The following ERGIC2 variants were observed in gnomAD, a reference collection of about 807,000 sequenced individuals.
ERGIC2 encodes the protein endoplasmic reticulum-Golgi intermediate compartment protein 2.
In ERGIC2, 31 loss-of-function variants were observed where a neutral mutation model predicts 52.5. The observed-to-expected ratio is 0.59, with a 90% CI of 0.44 to 0.80. The LOEUF (loss-of-function observed/expected upper bound fraction) is 0.80. Among genes scored for constraint, ERGIC2 ranks in the 30% least tolerant of loss-of-function variants. ERGIC2 has a pLI of 0.00. For missense variants in ERGIC2, 395 were observed against 455.2 expected (o/e 0.87, Z 1.20); for synonymous variants, 129 against 140.6 (o/e 0.92, Z 0.58).
At chr12:29,377,386 T>A (rs1266523380) in intron 1 of ERGIC2, among the ~76,000 whole-genome samples, 3 of 152,330 alleles carry the variant, frequency 2.0e-5, no homozygotes, top group Admixed American at 2.0e-4. Context: ...CTCAAGTCAC[T>A]GACATAAAAT....
chr12:29,346,588 T>C (rs932482570), intron 10 of ERGIC2, among the ~76,000 whole-genome samples: 5 of 152,196 alleles, frequency 3.3e-5, no homozygotes, highest in South Asian at 2.1e-4. Context: ...TCTTAAGATA[T>C]ACACTAAACC....
intron 3 of ERGIC2, among the ~76,000 whole-genome samples, chr12:29,368,718 T>G (rs566155714): frequency 4.6e-5 from 7 of 152,062 alleles, no homozygotes; most frequent in African/African-American, 1.7e-4. Context: ...TCTACAAATA[T>G]TATCTCCTTT....
intron 10 of ERGIC2, 24 bp from the exon 11 acceptor site, chr12:29,345,564 A>G: frequency 7.9e-7 from 1 of 1,259,852 alleles, no homozygotes; most frequent in Non-Finnish European, 1.2e-6. Context: ...AAAACTTTTT[A>G]TCAATTCAGT....
intron 1 of ERGIC2, among the ~76,000 whole-genome samples, chr12:29,375,845 C>T (rs550033444): frequency 7.2e-5 from 11 of 152,184 alleles, no homozygotes; most frequent in Non-Finnish European, 1.6e-4. Flanking sequence ...CTCCACCAGT[C>T]CCATTCCTGA....
chr12:29,347,477 C>T (rs1940070066), intron 10 of ERGIC2, among the ~76,000 whole-genome samples: 1 of 152,184 alleles, frequency 6.6e-6, no homozygotes, highest in Admixed American at 6.5e-5. Flanking sequence ...ATACCACAGC[C>T]TCTTCCATGC....
intron 1 of ERGIC2, among the ~76,000 whole-genome samples, chr12:29,374,413 C>T (rs890655999): frequency 3.3e-5 from 5 of 152,144 alleles, no homozygotes; most frequent in African/African-American, 1.2e-4. Context: ...CTAGGTCTCC[C>T]CCTTAACCTC....
rs1342051709 is a variant in ERGIC2, at chr12:29,340,496, TTTACC to T, written c.*655_*659del. On this transcript the variant is annotated 3_prime_UTR_variant, in exon 14 of 14. Coordinates refer to ENST00000360150, the MANE Select transcript of ERGIC2 (RefSeq NM_016570.3). ...ACCTACATATCTGCCCCTGTGAGAA[TTTACC>T]TTAGTCTTCTAAGACTCTATCTTCA... 10 of 160,978 alleles carry T rather than the reference TTTACC, an allele frequency of 6.2e-5. No homozygotes were observed. Among genetic ancestry groups the T allele is most frequent in the African/African-American group, 1.7e-4 (7 of 41,618 alleles). The allele number at this position is 160,978 out of a possible 1,614,324, so 10.0% of individuals were successfully genotyped here.
At position 29,338,293 on chromosome 12, in the gene ERGIC2, G is replaced by A. The variant is rs1949811347; in HGVS notation, c.*2863C>T. On this transcript the variant is annotated 3_prime_UTR_variant, in exon 14 of 14. Coordinates refer to ENST00000360150, the MANE Select transcript of ERGIC2 (RefSeq NM_016570.3). ...AAATTTTTAATTATAAAAATTCAATGCTATCATAAAACATACATGAGAAAA... is the reference window on the plus strand; with the variant it reads ...AAATTTTTAATTATAAAAATTCAATACTATCATAAAACATACATGAGAAAA... 1 of 151,736 alleles carries A rather than the reference G, an allele frequency of 6.6e-6. No homozygotes were observed. Among genetic ancestry groups the A allele is most frequent in the African/African-American group, 2.4e-5 (1 of 41,264 alleles). 9.4% of individuals were successfully genotyped at this position (151,736 alleles called of 1,614,324 possible). A position where few individuals can be genotyped will look rare whatever the true frequency, so the allele number is the denominator to read the frequency against.
At chr12:29,368,205 C>G in intron 4 of ERGIC2, 36 bp downstream of exon 4, 3 of 1,350,364 alleles carry the variant, frequency 2.2e-6, no homozygotes. Flanking sequence ...GAACCATAAC[C>G]TACATGTGGA....
chr12:29,366,991 A>T, intron 4 of ERGIC2, 44 bp from the exon 5 acceptor site: 1 of 1,234,974 alleles, frequency 8.1e-7, no homozygotes, highest in South Asian at 1.4e-5. Flanking sequence ...CTATGCTTGG[A>T]GGCAAACCAT....
At chr12:29,351,418 T>TTC (rs1363637622) in intron 8 of ERGIC2, among the ~76,000 whole-genome samples, 1 of 152,178 alleles carries the variant, frequency 6.6e-6, no homozygotes, top group Non-Finnish European at 1.5e-5. Flanking sequence ...TATAAAAATA[T>TTC]TCTTGCCTAT....
At chr12:29,374,877 C>T (rs1467592081) in intron 1 of ERGIC2, among the ~76,000 whole-genome samples, 1 of 152,022 alleles carries the variant, frequency 6.6e-6, no homozygotes, top group Admixed American at 6.6e-5. Flanking sequence ...AATAAATTAT[C>T]TTTTTAATAC....
chr12:29,341,714 A>G lies in ERGIC2; in HGVS notation c.1071+20T>C, dbSNP rs971001190. ...ATTCTAAGATTTAGAGATCAGCACC[A>G]TGTATACTACACCACTTACAGAATT... On this transcript the variant is annotated intron_variant, in intron 13 of 13. Coordinates refer to ENST00000360150, the MANE Select transcript of ERGIC2 (RefSeq NM_016570.3). 21 of 1,280,854 alleles carry G rather than the reference A, an allele frequency of 1.6e-5. No homozygotes were observed. Among genetic ancestry groups the G allele is most frequent in the Non-Finnish European group, 1.9e-5 (17 of 878,618 alleles). The allele number at this position is 1,280,854 out of a possible 1,614,324, so 79.3% of individuals were successfully genotyped here.
Position 29,337,409 on chromosome 12 carries a change from TG to T in ERGIC2, c.*3746del, listed in dbSNP as rs914210203. On this transcript the variant is annotated 3_prime_UTR_variant, in exon 14 of 14. Coordinates refer to ENST00000360150, the MANE Select transcript of ERGIC2 (RefSeq NM_016570.3). Reference sequence around the variant, plus strand: ...TTTATGCTTGCAATACTAAATATTTTGTTTTTTCTCTCAAGACAAAAAAAAA... The same window carrying T: ...TTTATGCTTGCAATACTAAATATTTTTTTTTTCTCTCAAGACAAAAAAAAA... 1.4e-5 allele frequency: 1 copy of T among 69,238 alleles called. No homozygotes were observed. The highest frequency in any genetic ancestry group is 1.2e-4 in the Admixed American group (1 of 8,138). 4.3% of individuals were successfully genotyped at this position (69,238 alleles called of 1,614,324 possible). A position where few individuals can be genotyped will look rare whatever the true frequency, so the allele number is the denominator to read the frequency against.
chr12:29,349,538 A>G (rs185855232), intron 9 of ERGIC2, among the ~76,000 whole-genome samples: 1 of 152,178 alleles, frequency 6.6e-6, no homozygotes, highest in East Asian at 1.9e-4. Context: ...CCATGTGGCC[A>G]TATAATAAAA....
intron 10 of ERGIC2, among the ~76,000 whole-genome samples, chr12:29,347,401 G>A (rs1042155380): frequency 6.6e-6 from 1 of 152,132 alleles, no homozygotes; most frequent in African/African-American, 2.4e-5. Context: ...TAATAAAGCT[G>A]CCTGCAATGC....
Position 29,369,165 on chromosome 12 carries a change from T to C in ERGIC2, c.216-878A>G, listed in dbSNP as rs192550692. ...AACCCAGGAGTTTAGGCTCAGGAGA[T>C]AGGAACCAGGAGTAGGCCAAGTAGA... On this transcript the variant is annotated intron_variant, in intron 3 of 13. Transcript: ENST00000360150. Among the ~76,000 whole-genome samples, 26 of 152,050 alleles carry C rather than the reference T, an allele frequency of 1.7e-4. No homozygotes were observed. In the East Asian group the frequency reaches 4.8e-3, roughly 28 times the overall value.
chr12:29,338,230 A>T lies in ERGIC2; in HGVS notation c.*2926T>A, dbSNP rs1949810931. 1 of 152,134 alleles carries T rather than the reference A, an allele frequency of 6.6e-6. No homozygotes were observed. The highest frequency in any genetic ancestry group is 6.5e-5 in the Admixed American group (1 of 15,276). 9.4% of individuals were successfully genotyped at this position (152,134 alleles called of 1,614,324 possible). A position where few individuals can be genotyped will look rare whatever the true frequency, so the allele number is the denominator to read the frequency against. On this transcript the variant is annotated 3_prime_UTR_variant, in exon 14 of 14. Transcript: ENST00000360150. ...CATTCCTTCATGAATTCCAAAATTA[A>T]GATTGTATTAAAGACTGTAAATCTT...
chr12:29,353,203 C>T (rs961730525), intron 8 of ERGIC2, among the ~76,000 whole-genome samples: 2 of 152,152 alleles, frequency 1.3e-5, no homozygotes, highest in Non-Finnish European at 1.5e-5. Flanking sequence ...CTCAATAAAG[C>T]ATTTCCTGAT....
Sources: allele counts gnomAD v4.1 joint callset (sites outside exome capture counted in the v4.1 genomes callset), GRCh38; gene constraint gnomAD v4.1.1; transcripts MANE v1.5; gene names NCBI Gene and HGNC (gene_info 2026-07-23, HGNC 2026-07-21).